Variants in LRRN2 observed in about 807,000 individuals in gnomAD.
LRRN2 encodes the protein leucine-rich repeat neuronal protein 2.
In LRRN2, 10 loss-of-function variants were observed where a neutral mutation model predicts 35.7. That is an observed-to-expected ratio of 0.28 (90% confidence interval 0.17 to 0.47). The LOEUF (loss-of-function observed/expected upper bound fraction) is 0.47. Among genes scored for constraint, LRRN2 ranks in the 20% least tolerant of loss-of-function variants. The pLI, the probability that LRRN2 is intolerant of heterozygous loss-of-function variation, is 0.99. For missense variants in LRRN2, 731 were observed against 940.3 expected (o/e 0.78, Z 2.91); for synonymous variants, 391 against 409.6 (o/e 0.95, Z 0.55).
At chr1:204,677,406 T>C (rs577636571) in intron 1 of LRRN2, among the ~76,000 whole-genome samples, 3 of 152,288 alleles carry the variant, frequency 2.0e-5, no homozygotes, top group South Asian at 4.1e-4. Flanking sequence ...GATCTCTCTC[T>C]ATACTTCAGA....
chr1:204,664,901 C>T (rs1668545763), intron 1 of LRRN2, among the ~76,000 whole-genome samples: 1 of 152,172 alleles, frequency 6.6e-6, no homozygotes, highest in African/African-American at 2.4e-5. Context: ...CTCATCTGGT[C>T]TCTCATTACA....
chr1:204,655,202 A>G (rs1471055063), intron 1 of LRRN2, among the ~76,000 whole-genome samples: 1 of 152,202 alleles, frequency 6.6e-6, no homozygotes, highest in Non-Finnish European at 1.5e-5. Flanking sequence ...CCGACAGCGG[A>G]ACTGACCACC....
chr1:204,677,003 G>A (rs1442159376), intron 1 of LRRN2, among the ~76,000 whole-genome samples: 1 of 152,164 alleles, frequency 6.6e-6, no homozygotes, highest in Non-Finnish European at 1.5e-5. Context: ...TTATGTGGAC[G>A]AAATGAGACA....
At chr1:204,655,793 T>C (rs1188634612) in intron 1 of LRRN2, among the ~76,000 whole-genome samples, 2 of 152,218 alleles carry the variant, frequency 1.3e-5, no homozygotes, top group Admixed American at 6.5e-5. Flanking sequence ...ACTGTGGCCC[T>C]GGGGGCTGCC....
rs1210607101 is a variant in LRRN2 at position 204,685,327 on chromosome 1, G to C, written c.-234C>G. ...CCGAAGCTGCACACTCACCCCGTGG[G>C]CGCCGGGCACCGTCTGCCGTCTGCT... On this transcript the variant is annotated 5_prime_UTR_variant, in exon 1 of 2. Transcript: ENST00000367177. The C allele has an allele frequency of 2.0e-5, 3 of 151,814 alleles. No individual in the cohort carries two copies. Among genetic ancestry groups the C allele is most frequent in the Non-Finnish European group, 4.4e-5 (3 of 67,958 alleles). The allele number at this position is 151,814 out of a possible 1,614,324, so 9.4% of individuals were successfully genotyped here. A position where few individuals can be genotyped will look rare whatever the true frequency, so the allele number is the denominator to read the frequency against.
At chr1:204,639,776 C>T (rs1424489611) in intron 1 of LRRN2, among the ~76,000 whole-genome samples, 1 of 152,182 alleles carries the variant, frequency 6.6e-6, no homozygotes, top group Non-Finnish European at 1.5e-5. Flanking sequence ...TTTTAATCCT[C>T]ATAAAACTCT....
chr1:204,663,348 G>T (rs1668509525), intron 1 of LRRN2, among the ~76,000 whole-genome samples: 1 of 152,304 alleles, frequency 6.6e-6, no homozygotes, highest in African/African-American at 2.4e-5. Flanking sequence ...GGTTGACTTG[G>T]CCGGAAAGGA....
At chr1:204,620,280 GTGTT>G (rs912514360) in intron 1 of LRRN2, 62 bp from the exon 2 acceptor site, 43 of 1,193,716 alleles carry the variant, frequency 3.6e-5, no homozygotes, top group Admixed American at 1.8e-4. Flanking sequence ...CCCTCCTCCC[GTGTT>G]TGTTTGTTTG....
At chr1:204,676,491 C>T (rs967554879) in intron 1 of LRRN2, among the ~76,000 whole-genome samples, 4 of 152,146 alleles carry the variant, frequency 2.6e-5, no homozygotes, top group African/African-American at 9.7e-5. Flanking sequence ...TTCTTCCATA[C>T]AGCATAACCT....
Position 204,646,016 on chromosome 1 carries a change from G to A in LRRN2, c.-226-25798C>T, listed in dbSNP as rs1668098325. Among the ~76,000 whole-genome samples, 3 of 152,166 alleles carry A rather than the reference G, an allele frequency of 2.0e-5. 1 individual carries two copies. The highest frequency in any genetic ancestry group is 4.1e-4 in the South Asian group (2 of 4,824). Reference sequence around the variant, plus strand: ...AGTGATTTCTCTCAGTAACAACCCAGGGCCTTTAGAGACCTGTCATCCCAC... The same window carrying A: ...AGTGATTTCTCTCAGTAACAACCCAAGGCCTTTAGAGACCTGTCATCCCAC... On this transcript the variant is annotated intron_variant, in intron 1 of 1. Transcript: ENST00000367177.
chr1:204,650,130 C>T (rs1668190995), intron 1 of LRRN2, among the ~76,000 whole-genome samples: 1 of 152,218 alleles, frequency 6.6e-6, no homozygotes, highest in Non-Finnish European at 1.5e-5. Flanking sequence ...GCCTCTGATG[C>T]AAGGGGGGCA....
chr1:204,623,803 A>C (rs1421787170), intron 1 of LRRN2, among the ~76,000 whole-genome samples: 8 of 152,232 alleles, frequency 5.3e-5, no homozygotes. Context: ...TTGTGTCCCC[A>C]GAGCACCAAG....
At chr1:204,676,897 T>C (rs1558424308) in intron 1 of LRRN2, among the ~76,000 whole-genome samples, 1 of 152,210 alleles carries the variant, frequency 6.6e-6, no homozygotes, top group Non-Finnish European at 1.5e-5. Context: ...ATTTGGGGGC[T>C]GAATTCTGGC....
intron 1 of LRRN2, among the ~76,000 whole-genome samples, chr1:204,669,953 C>T (rs1668670783): frequency 1.3e-5 from 2 of 152,092 alleles, no homozygotes; most frequent in Non-Finnish European, 2.9e-5. Flanking sequence ...AATTCAGAGA[C>T]CCAGTTACCA....
chr1:204,622,400 A>G (rs990755877), intron 1 of LRRN2, among the ~76,000 whole-genome samples: 1 of 152,228 alleles, frequency 6.6e-6, no homozygotes, highest in Non-Finnish European at 1.5e-5. Context: ...GGAACACAGC[A>G]AGCCTATTTA....
intron 1 of LRRN2, among the ~76,000 whole-genome samples, chr1:204,680,769 C>A (rs995909873): frequency 1.3e-5 from 2 of 152,208 alleles, no homozygotes; most frequent in Non-Finnish European, 2.9e-5. Context: ...TGGTGACATT[C>A]ACAAAGAGCA....
chr1:204,641,517 CT>C (rs1169835228), intron 1 of LRRN2, among the ~76,000 whole-genome samples: 3 of 152,192 alleles, frequency 2.0e-5, no homozygotes, highest in Admixed American at 6.5e-5. Flanking sequence ...ATAGGCACCA[CT>C]TATTGAATGT....
intron 1 of LRRN2, among the ~76,000 whole-genome samples, chr1:204,682,698 CT>C (rs1464295280): frequency 2.0e-5 from 3 of 152,202 alleles, no homozygotes; most frequent in African/African-American, 7.2e-5. Context: ...CCTTCTCTGT[CT>C]GAAGCACCAG....
intron 1 of LRRN2, among the ~76,000 whole-genome samples, chr1:204,666,944 A>C (rs1668584118): frequency 1.5e-5 from 2 of 135,738 alleles, no homozygotes; most frequent in Non-Finnish European, 3.1e-5. Flanking sequence ...CCTGGATGCC[A>C]GAGTGAAACT....
Sources: gnomAD v4.1 joint callset for allele counts (sites outside exome capture counted in the v4.1 genomes callset) on GRCh38, gnomAD v4.1.1 for gene constraint, MANE v1.5 for transcripts, NCBI Gene and HGNC (gene_info 2026-07-23, HGNC 2026-07-21) for gene names.